The following PCDH9 variants were observed in gnomAD, a reference collection of about 807,000 sequenced individuals.
The protein encoded by PCDH9 is protocadherin 9.
In PCDH9, 24 loss-of-function variants were observed where a neutral mutation model predicts 70.6. That is an observed-to-expected ratio of 0.34 (90% confidence interval 0.25 to 0.48). PCDH9 has a LOEUF of 0.48. PCDH9 is among the 20% of genes least tolerant of loss of function. The pLI is 0.99. For synonymous variants in PCDH9, 562 were observed against 558.5 expected, an observed-to-expected ratio of 1.01 and a Z score of -0.09; for missense variants, 1,281 against 1,503.6, an observed-to-expected ratio of 0.85 and a Z score of 2.45.
At chr13:66,768,918 GA>G (rs1481208434) in intron 3 of PCDH9, among the ~76,000 whole-genome samples, 2 of 151,746 alleles carry the variant, frequency 1.3e-5, no homozygotes, top group East Asian at 1.9e-4. Flanking sequence ...AACAAACAAA[GA>G]AAAGCCCGTT....
At chr13:67,010,810 G>A (rs1195127661) in intron 2 of PCDH9, among the ~76,000 whole-genome samples, 1 of 151,918 alleles carries the variant, frequency 6.6e-6, no homozygotes, top group African/African-American at 2.4e-5. Context: ...AGCCACCATC[G>A]ATGGGAGGTA....
intron 3 of PCDH9, among the ~76,000 whole-genome samples, chr13:66,805,896 CT>C (rs1406772155): frequency 6.6e-6 from 1 of 152,016 alleles, no homozygotes; most frequent in Non-Finnish European, 1.5e-5. Context: ...TGTTTTATGA[CT>C]TTTTTTCCCC....
At chr13:66,612,057 A>G (rs2077299591) in intron 4 of PCDH9, among the ~76,000 whole-genome samples, 1 of 152,226 alleles carries the variant, frequency 6.6e-6, no homozygotes, top group Non-Finnish European at 1.5e-5. Flanking sequence ...TATTTAAACT[A>G]AGTTTTAGAA....
rs568139532 is a variant in PCDH9 at position 66,584,273 on chromosome 13, C to T, written c.3340+46937G>A. ...CAAGTTTTATATCATATTAATAGAA[C>T]GCACTGAATCACAGTGCAATATCTC... On this transcript the variant is annotated intron_variant, in intron 4 of 4. Transcript: ENST00000377865. 4.1e-4 allele frequency among the ~76,000 whole-genome samples: 62 copies of T among 152,218 alleles called. 1 individual carries two copies. The South Asian group carries it at 1.0e-2, about 25-fold the overall frequency.
chr13:66,524,544 T>C (rs766650293), intron 4 of PCDH9, among the ~76,000 whole-genome samples: 3 of 152,056 alleles, frequency 2.0e-5, no homozygotes, highest in Non-Finnish European at 4.4e-5. Context: ...AAACTCTCAC[T>C]TTTTTCAGCT....
intron 2 of PCDH9, among the ~76,000 whole-genome samples, chr13:66,980,732 TTTTTTTTTTG>T (rs2083739065): frequency 3.6e-5 from 5 of 137,646 alleles, no homozygotes; most frequent in Admixed American, 7.3e-5. Context: ...TTTTCTTTGT[TTTTTTTTTTG>T]TTTTTTTTTT....
intron 3 of PCDH9, among the ~76,000 whole-genome samples, chr13:66,649,537 G>C (rs978090399): frequency 6.6e-6 from 1 of 152,046 alleles, no homozygotes; most frequent in East Asian, 1.9e-4. Flanking sequence ...ATCAACACCA[G>C]ACCTGCCCTA....
At chr13:66,637,436 A>G (rs1252528660) in intron 3 of PCDH9, among the ~76,000 whole-genome samples, 1 of 152,186 alleles carries the variant, frequency 6.6e-6, no homozygotes, top group Non-Finnish European at 1.5e-5. Flanking sequence ...TAAAATTATA[A>G]AGCACTTTTC....
At chr13:66,873,940 C>CTTTTTTTTTTTTTTTTTTTTTCTTTTT (rs528441546) in intron 3 of PCDH9, among the ~76,000 whole-genome samples, 2 of 111,128 alleles carry the variant, frequency 1.8e-5, no homozygotes, top group East Asian at 2.5e-4. Context: ...TTCTTTCTTT[C>CTTTTTTTTTTTTTTTTTTTTTCTTTTT]TTTTTTTTTT....
intron 3 of PCDH9, among the ~76,000 whole-genome samples, chr13:66,896,527 A>G (rs1044152910): frequency 1.3e-5 from 2 of 152,174 alleles, no homozygotes; most frequent in African/African-American, 4.8e-5. Flanking sequence ...TGCCAGATTT[A>G]CATAATTATA....
At chr13:66,327,390 C>T (rs1955866878) in intron 4 of PCDH9, among the ~76,000 whole-genome samples, 1 of 152,168 alleles carries the variant, frequency 6.6e-6, no homozygotes, top group African/African-American at 2.4e-5. Flanking sequence ...GGGGACCTCA[C>T]CTCCATAAAT....
chr13:66,703,702 C>T (rs539563498), intron 3 of PCDH9, among the ~76,000 whole-genome samples: 1 of 152,092 alleles, frequency 6.6e-6, no homozygotes, highest in South Asian at 2.1e-4. Context: ...AGAAATCAGC[C>T]TGGGCAACGT....
intron 2 of PCDH9, among the ~76,000 whole-genome samples, chr13:67,165,257 T>C (rs2088079175): frequency 6.6e-6 from 1 of 152,140 alleles, no homozygotes; most frequent in Non-Finnish European, 1.5e-5. Context: ...GTTTATACAT[T>C]AAAAATACAT....
At chr13:67,086,094 T>C (rs1191271755) in intron 2 of PCDH9, among the ~76,000 whole-genome samples, 1 of 152,170 alleles carries the variant, frequency 6.6e-6, no homozygotes, top group Non-Finnish European at 1.5e-5. Flanking sequence ...ACAAAGCATG[T>C]ATCCCCTACA....
intron 4 of PCDH9, among the ~76,000 whole-genome samples, chr13:66,312,236 T>C (rs1326751826): frequency 6.6e-6 from 1 of 152,200 alleles, no homozygotes; most frequent in Non-Finnish European, 1.5e-5. Context: ...TTTTATTCCT[T>C]AATTAAATAT....
At chr13:67,185,960 G>C (rs1201280795) in intron 2 of PCDH9, among the ~76,000 whole-genome samples, 2 of 152,234 alleles carry the variant, frequency 1.3e-5, no homozygotes, top group African/African-American at 4.8e-5. Flanking sequence ...TCAAACTCCC[G>C]ACCTCAGGTG....
chr13:66,822,023 A>G (rs1159938555), intron 3 of PCDH9, among the ~76,000 whole-genome samples: 1 of 152,056 alleles, frequency 6.6e-6, no homozygotes, highest in Non-Finnish European at 1.5e-5. Context: ...CTCAACCTAT[A>G]TCAGGATTTT....
At chr13:66,562,397 G>A (rs924809069) in intron 4 of PCDH9, among the ~76,000 whole-genome samples, 1 of 152,024 alleles carries the variant, frequency 6.6e-6, no homozygotes, top group African/African-American at 2.4e-5. Context: ...CTGTTCTCAA[G>A]CCGCTAATAA....
chr13:66,488,249 A>G lies in PCDH9; in HGVS notation c.3340+142961T>C, dbSNP rs562195409. 5.4e-4 allele frequency among the ~76,000 whole-genome samples: 82 copies of G among 152,220 alleles called. 1 individual carries two copies. The highest frequency in any genetic ancestry group is 8.2e-4 in the Non-Finnish European group (56 of 68,050). ...GGAGAGAGATAGTTCAGAGAAATACAAAACGACCTAATGACCTAGAATTGC... is the reference window on the plus strand; with the variant it reads ...GGAGAGAGATAGTTCAGAGAAATACGAAACGACCTAATGACCTAGAATTGC... On this transcript the variant is annotated intron_variant, in intron 4 of 4. Coordinates refer to ENST00000377865, the MANE Select transcript of PCDH9 (RefSeq NM_203487.3).
Sources: allele counts gnomAD v4.1 joint callset (sites outside exome capture counted in the v4.1 genomes callset), GRCh38; gene constraint gnomAD v4.1.1; transcripts MANE v1.5; gene names NCBI Gene and HGNC (gene_info 2026-07-23, HGNC 2026-07-21).